Variants in CDC73 observed in about 807,000 individuals in gnomAD.
CDC73 encodes parafibromin.
A neutral mutation model predicts 83.7 loss-of-function variants in CDC73; 21 were observed. The observed-to-expected ratio is 0.25, with a 90% CI of 0.18 to 0.36. The LOEUF (loss-of-function observed/expected upper bound fraction) is 0.36, where lower values mean the gene tolerates loss of function less well. Among genes scored for constraint, CDC73 ranks in the 10% least tolerant of loss-of-function variants. The pLI, the probability that CDC73 is intolerant of heterozygous loss-of-function variation, is 1.00. For missense variants in CDC73, 342 were observed against 653.3 expected, an observed-to-expected ratio of 0.52 and a Z score of 5.19; for synonymous variants, 224 against 212.9, an observed-to-expected ratio of 1.05 and a Z score of -0.45.
chr1:193,189,781 T>G (rs1222727871), intron 10 of CDC73, among the ~76,000 whole-genome samples: 3 of 152,236 alleles, frequency 2.0e-5, no homozygotes, highest in Admixed American at 1.3e-4. Flanking sequence ...TTTGTATTCA[T>G]GTAGTTAATG....
chr1:193,182,415 G>A (rs552711044), intron 10 of CDC73, among the ~76,000 whole-genome samples: 40 of 152,102 alleles, frequency 2.6e-4, no homozygotes, highest in Non-Finnish European at 4.0e-4. Flanking sequence ...CAGCATGTAA[G>A]TGTCTTTGAT....
chr1:193,177,289 C>T (rs1377206771), intron 10 of CDC73, among the ~76,000 whole-genome samples: 4 of 136,114 alleles, frequency 2.9e-5, no homozygotes, highest in Non-Finnish European at 4.6e-5. Flanking sequence ...TTTGGGAGGC[C>T]GAATCACGAG....
chr1:193,136,306 A>G (rs932569609), intron 5 of CDC73, among the ~76,000 whole-genome samples: 6 of 152,140 alleles, frequency 3.9e-5, no homozygotes, highest in African/African-American at 1.2e-4. Context: ...CTTTGGAACA[A>G]TGTGTTATGG....
chr1:193,164,197 A>C (rs1359981729), intron 10 of CDC73, among the ~76,000 whole-genome samples: 1 of 152,232 alleles, frequency 6.6e-6, no homozygotes, highest in East Asian at 1.9e-4. Context: ...AACTGGTTCT[A>C]AGTGACTGAA....
At chr1:193,132,212 C>T (rs1675708582) in intron 3 of CDC73, among the ~76,000 whole-genome samples, 1 of 152,128 alleles carries the variant, frequency 6.6e-6, no homozygotes, top group Admixed American at 6.5e-5. Flanking sequence ...GATTGATTTC[C>T]ACAGAGAATC....
At position 193,172,115 on chromosome 1, in the gene CDC73, G is replaced by A. The variant is rs189896501; in HGVS notation, c.972+19671G>A. ...AATATTTGTATTTTTAGTTTGGATGGGGTTTCACCGTGTTGGCTAGGTTGG... is the reference window on the plus strand; with the variant it reads ...AATATTTGTATTTTTAGTTTGGATGAGGTTTCACCGTGTTGGCTAGGTTGG... On this transcript the variant is annotated intron_variant, in intron 10 of 16. Coordinates refer to ENST00000367435, the MANE Select transcript of CDC73 (RefSeq NM_024529.5). Among the ~76,000 whole-genome samples the A allele has an allele frequency of 1.0e-3, 153 of 152,084 alleles. 1 individual carries two copies. The highest frequency in any genetic ancestry group is 7.7e-3 in the South Asian group (37 of 4,818).
At chr1:193,127,479 G>A (rs1675599791) in intron 2 of CDC73, among the ~76,000 whole-genome samples, 1 of 152,076 alleles carries the variant, frequency 6.6e-6, no homozygotes, top group Non-Finnish European at 1.5e-5. Flanking sequence ...AATAGCACCA[G>A]CTCCGTCTTT....
intron 10 of CDC73, among the ~76,000 whole-genome samples, chr1:193,188,892 C>T (rs1183319263): frequency 2.0e-5 from 3 of 151,564 alleles, no homozygotes; most frequent in Admixed American, 2.0e-4. Flanking sequence ...TGCCTATGTA[C>T]TTAACTGGAA....
intron 10 of CDC73, among the ~76,000 whole-genome samples, chr1:193,173,373 C>A (rs1315282747): frequency 2.6e-5 from 4 of 152,136 alleles, no homozygotes; most frequent in Non-Finnish European, 4.4e-5. Flanking sequence ...TCCACCTCTT[C>A]CTTTTTTTTC....
At chr1:193,246,239 A>G (rs1309606135) in intron 15 of CDC73, among the ~76,000 whole-genome samples, 1 of 151,924 alleles carries the variant, frequency 6.6e-6, no homozygotes, top group Non-Finnish European at 1.5e-5. Context: ...TCTTCTAGTA[A>G]TTTTATAATT....
rs140941513 is a variant in CDC73 at position 193,212,820 on chromosome 1, C to T, written c.1154+343C>T. ...TTCTCTCTGAATATTAGATGTTATA[C>T]CCTAGTGGGAGTAAGTGGGCGGGTA... On this transcript the variant is annotated intron_variant, in intron 13 of 16. Coordinates refer to ENST00000367435, the MANE Select transcript of CDC73 (RefSeq NM_024529.5). 4.5e-3 allele frequency among the ~76,000 whole-genome samples: 679 copies of T among 152,120 alleles called. 5 individuals are homozygous for T. The highest frequency in any genetic ancestry group is 7.7e-3 in the Non-Finnish European group (520 of 67,966).
chr1:193,131,221 A>G (rs1038900486), intron 3 of CDC73, among the ~76,000 whole-genome samples: 2 of 152,186 alleles, frequency 1.3e-5, no homozygotes, highest in South Asian at 2.1e-4. Flanking sequence ...CTCACACAGA[A>G]CAAAAACAAG....
chr1:193,130,936 C>A (rs529664347), intron 3 of CDC73, among the ~76,000 whole-genome samples: 1 of 152,244 alleles, frequency 6.6e-6, no homozygotes, highest in East Asian at 1.9e-4. Context: ...ATTTTGGTTA[C>A]TTCTGTACCT....
chr1:193,187,101 A>ATCCCCCC lies in CDC73; in HGVS notation c.973-16693_973-16687dup, dbSNP rs1676824592. Reference sequence around the variant, plus strand: ...GAAACCATGTATCTTTGTAATTTAGATCCCCCCCCCCGTTTTCTGGGGTTT... The same window carrying ATCCCCCC: ...GAAACCATGTATCTTTGTAATTTAGATCCCCCCTCCCCCCCCCCGTTTTCTGGGGTTT... On this transcript the variant is annotated intron_variant, in intron 10 of 16. Coordinates refer to ENST00000367435, the MANE Select transcript of CDC73 (RefSeq NM_024529.5). Among the ~76,000 whole-genome samples the ATCCCCCC allele has an allele frequency of 6.9e-5, 2 of 28,924 alleles. 1 individual carries two copies. Among genetic ancestry groups the ATCCCCCC allele is most frequent in the South Asian group, 3.7e-3 (2 of 546 alleles). 19.0% of individuals were successfully genotyped at this position (28,924 alleles called of 152,430 possible). A position where few individuals can be genotyped will look rare whatever the true frequency, so the allele number is the denominator to read the frequency against.
intron 15 of CDC73, among the ~76,000 whole-genome samples, chr1:193,237,930 A>G (rs1260562326): frequency 2.0e-5 from 3 of 152,192 alleles, no homozygotes; most frequent in Non-Finnish European, 4.4e-5. Flanking sequence ...GAGTTGGTAA[A>G]TGGGAAGTTA....
At chr1:193,175,052 G>A (rs1389860364) in intron 10 of CDC73, among the ~76,000 whole-genome samples, 1 of 152,108 alleles carries the variant, frequency 6.6e-6, no homozygotes, top group Non-Finnish European at 1.5e-5. Context: ...AGGTATGAAT[G>A]GGATCAAAAG....
At chr1:193,171,019 C>T (rs1338414455) in intron 10 of CDC73, among the ~76,000 whole-genome samples, 1 of 152,132 alleles carries the variant, frequency 6.6e-6, no homozygotes, top group African/African-American at 2.4e-5. Context: ...GAGAAAAGCC[C>T]TGTGTGATAA....
chr1:193,241,667 G>A (rs1283772533), intron 15 of CDC73, among the ~76,000 whole-genome samples: 1 of 152,212 alleles, frequency 6.6e-6, no homozygotes, highest in Non-Finnish European at 1.5e-5. Context: ...TAACAGTTGT[G>A]GTGGTAGTGG....
chr1:193,196,698 T>C (rs1429868690), intron 10 of CDC73, among the ~76,000 whole-genome samples: 1 of 152,216 alleles, frequency 6.6e-6, no homozygotes. Flanking sequence ...TATTTCATTC[T>C]TTTTAATGCT....
Sources: allele counts gnomAD v4.1 joint callset (sites outside exome capture counted in the v4.1 genomes callset), GRCh38; gene constraint gnomAD v4.1.1; transcripts MANE v1.5; gene names NCBI Gene and HGNC (gene_info 2026-07-23, HGNC 2026-07-21).